CNTNAP5: variants seen among roughly 807,000 people sequenced by gnomAD.
CNTNAP5 encodes contactin-associated protein-like 5.
In CNTNAP5, 72 loss-of-function variants were observed where a neutral mutation model predicts 150.2. The observed-to-expected ratio is 0.48, with a 90% CI of 0.40 to 0.58. The LOEUF (loss-of-function observed/expected upper bound fraction) is 0.58, where lower values mean the gene tolerates loss of function less well. Among genes scored for constraint, CNTNAP5 ranks in the 20% least tolerant of loss-of-function variants. The probability of loss-of-function intolerance (pLI) is 0.00; values close to 1 mark genes in which losing one functional copy is unlikely to be tolerated. For missense variants in CNTNAP5, 1,636 were observed against 1,626.2 expected, an observed-to-expected ratio of 1.01 and a Z score of -0.10; for synonymous variants, 672 against 619.8, an observed-to-expected ratio of 1.08 and a Z score of -1.25.
chr2:124,389,780 T>C lies in CNTNAP5; in HGVS notation c.382-27663T>C, dbSNP rs559870454. ...TAGAAGATTGAGACAGTCTTGGCAA[T>C]ATAGCAAGACCCTGTCTCTACAAAA... On this transcript the variant is annotated intron_variant, in intron 3 of 23. Transcript: ENST00000682447. Among the ~76,000 whole-genome samples, 37 of 152,140 alleles carry C rather than the reference T, an allele frequency of 2.4e-4. No homozygotes were observed. The South Asian group carries it at 7.5e-3, about 31-fold the overall frequency.
At chr2:124,795,282 G>GC (rs1681820734) in intron 18 of CNTNAP5, among the ~76,000 whole-genome samples, 1 of 150,796 alleles carries the variant, frequency 6.6e-6, no homozygotes. Flanking sequence ...AAGTCTACAG[G>GC]CCCCATGGAG....
chr2:124,797,085 CATACATCAGATCAT>C (rs1681861327), intron 18 of CNTNAP5, among the ~76,000 whole-genome samples: 1 of 152,204 alleles, frequency 6.6e-6, no homozygotes, highest in African/African-American at 2.4e-5. Context: ...AAGTGCTTTA[CATACATCAGATCAT>C]ATACATCAGA....
intron 1 of CNTNAP5, 76 bp from the exon 2 acceptor site, chr2:124,221,629 C>A (rs1686318793): frequency 1.0e-6 from 1 of 973,482 alleles, no homozygotes; most frequent in East Asian, 2.6e-5. Context: ...TAGTTAATTT[C>A]TCAACTTCTC....
intron 1 of CNTNAP5, among the ~76,000 whole-genome samples, chr2:124,058,586 T>C (rs1327443041): frequency 3.9e-5 from 6 of 152,226 alleles, no homozygotes; most frequent in Non-Finnish European, 7.3e-5. Context: ...CCAAGTCTAG[T>C]ATACCATTGT....
intron 13 of CNTNAP5, among the ~76,000 whole-genome samples, chr2:124,710,607 A>G (rs577526417): frequency 6.6e-6 from 1 of 152,268 alleles, no homozygotes; most frequent in African/African-American, 2.4e-5. Context: ...TGCTGAAGAT[A>G]TGGCAATTTG....
At chr2:124,600,216 G>T in intron 11 of CNTNAP5, among the ~76,000 whole-genome samples, 1 of 151,168 alleles carries the variant, frequency 6.6e-6, no homozygotes, top group African/African-American at 2.4e-5. Context: ...ATTTTTTAAT[G>T]GCTCTGTAAG....
intron 16 of CNTNAP5, among the ~76,000 whole-genome samples, chr2:124,772,436 A>T (rs1681222964): frequency 6.6e-6 from 1 of 151,908 alleles, no homozygotes; most frequent in Admixed American, 6.6e-5. Context: ...TCCCTGCAGG[A>T]GTGGAGCTGC....
At position 124,919,905 on chromosome 2, in the gene CNTNAP5, C is replaced by G. The variant is rs898848338; in HGVS notation, c.*5617C>G. ...GCCCTAGGTCTATTATCAATCAGAG[C>G]CCCTGTGAGTGGAAGTCCTCAGATT... On this transcript the variant is annotated 3_prime_UTR_variant, in exon 24 of 24. Transcript: ENST00000682447. 6.6e-6 allele frequency among the ~76,000 whole-genome samples: 1 copy of G among 151,924 alleles called. No individual in the cohort carries two copies.
intron 3 of CNTNAP5, among the ~76,000 whole-genome samples, chr2:124,364,071 C>T (rs1690298102): frequency 1.3e-5 from 2 of 152,082 alleles, no homozygotes; most frequent in African/African-American, 4.8e-5. Flanking sequence ...AAGAGTAGCT[C>T]CCATTTCAAC....
At chr2:124,555,456 C>T (rs1304508645) in intron 10 of CNTNAP5, among the ~76,000 whole-genome samples, 2 of 152,188 alleles carry the variant, frequency 1.3e-5, no homozygotes, top group African/African-American at 4.8e-5. Flanking sequence ...ATCACTGTAT[C>T]ATTGGATTCA....
At chr2:124,499,923 G>A (rs1302147602) in intron 7 of CNTNAP5, among the ~76,000 whole-genome samples, 1 of 152,124 alleles carries the variant, frequency 6.6e-6, no homozygotes, top group Non-Finnish European at 1.5e-5. Context: ...AGTCTGGGAA[G>A]TCTCATGATC....
chr2:124,508,796 T>A (rs1694475691), intron 8 of CNTNAP5, among the ~76,000 whole-genome samples: 1 of 152,246 alleles, frequency 6.6e-6, no homozygotes, highest in Non-Finnish European at 1.5e-5. Context: ...AGGATCAAGG[T>A]TTTGTGTATT....
At chr2:124,681,320 A>AC (rs1335888718) in intron 13 of CNTNAP5, among the ~76,000 whole-genome samples, 2 of 151,072 alleles carry the variant, frequency 1.3e-5, no homozygotes, top group African/African-American at 4.9e-5. Flanking sequence ...AAAAAAAAAA[A>AC]AGTTGAGACA....
intron 3 of CNTNAP5, among the ~76,000 whole-genome samples, chr2:124,243,996 C>T (rs1283490952): frequency 1.3e-5 from 2 of 152,038 alleles, no homozygotes; most frequent in East Asian, 1.9e-4. Flanking sequence ...AGGGACAAAT[C>T]GATGTGGGAT....
Position 124,446,852 on chromosome 2 carries a change from G to T in CNTNAP5, c.833G>T (p.Gly278Val), listed in dbSNP as rs1426459672. Residue 278 changes from glycine (G) to valine (V), a missense_variant, in exon 6 of 24, where the codon GGC (glycine) becomes GTC (valine). Transcript: ENST00000682447. ...HWHSVLIERV[G>V]KQVNFTVDKH... Reference sequence around the variant, plus strand: ...CACTCGGTCCTCATTGAGCGGGTGGGCAAGCAGGTGAACTTCACGGTGGAC... The same window carrying T: ...CACTCGGTCCTCATTGAGCGGGTGGTCAAGCAGGTGAACTTCACGGTGGAC... 1.9e-6 allele frequency: 3 copies of T among 1,613,748 alleles called. No homozygotes were observed. The African/African-American group carries it at 4.0e-5, about 22-fold the overall frequency.
chr2:124,512,574 C>G (rs1313030444), intron 8 of CNTNAP5, among the ~76,000 whole-genome samples: 1 of 152,094 alleles, frequency 6.6e-6, no homozygotes, highest in Non-Finnish European at 1.5e-5. Context: ...AGGCAAATGG[C>G]TTATCGGAGG....
chr2:124,239,690 C>A (rs1686838221), intron 2 of CNTNAP5, among the ~76,000 whole-genome samples: 1 of 128,772 alleles, frequency 7.8e-6, no homozygotes, highest in South Asian at 2.6e-4. Flanking sequence ...ACCATTTCAA[C>A]AACATTTTTT....
chr2:124,120,431 C>T (rs1683534189), intron 1 of CNTNAP5, among the ~76,000 whole-genome samples: 1 of 152,164 alleles, frequency 6.6e-6, no homozygotes, highest in Non-Finnish European at 1.5e-5. Flanking sequence ...TGGACAAGTA[C>T]TCTTTGACTC....
chr2:124,515,133 C>T (rs958029254), intron 8 of CNTNAP5, among the ~76,000 whole-genome samples: 25 of 152,288 alleles, frequency 1.6e-4, no homozygotes, highest in South Asian at 1.0e-3. Context: ...AGGCATTAAA[C>T]GACTAGGAAA....
Sources: allele counts gnomAD v4.1 joint callset (sites outside exome capture counted in the v4.1 genomes callset), GRCh38; gene constraint gnomAD v4.1.1; transcripts MANE v1.5; gene names NCBI Gene and HGNC (gene_info 2026-07-23, HGNC 2026-07-21).